The following UGGT1 variants were observed in gnomAD, a reference collection of about 807,000 sequenced individuals.
UGGT1 encodes UDP-glucose:glycoprotein glucosyltransferase 1.
A neutral mutation model predicts 203.9 loss-of-function variants in UGGT1; 107 were observed. That is an observed-to-expected ratio of 0.52 (90% CI 0.45 to 0.62). The LOEUF (loss-of-function observed/expected upper bound fraction) is 0.62, where lower values mean the gene tolerates loss of function less well. Among genes scored for constraint, UGGT1 ranks in the 20% least tolerant of loss-of-function variants. The pLI, the probability that UGGT1 is intolerant of heterozygous loss-of-function variation, is 0.00. For synonymous variants in UGGT1, 628 were observed against 653.5 expected (o/e 0.96, Z 0.59); for missense variants, 1,673 against 1,867.2 (o/e 0.90, Z 1.92).
At chr2:128,150,254 A>C (rs1689885959) in intron 18 of UGGT1, among the ~76,000 whole-genome samples, 1 of 152,128 alleles carries the variant, frequency 6.6e-6, no homozygotes, top group Non-Finnish European at 1.5e-5. Flanking sequence ...TGGCTAACAT[A>C]ACGAGACCTC....
chr2:128,180,868 T>G, intron 35 of UGGT1, 22 bp from the exon 36 acceptor site: 1 of 1,599,612 alleles, frequency 6.3e-7, no homozygotes, highest in Non-Finnish European at 8.5e-7. Context: ...TGATTATTTG[T>G]TGTTCCCATG....
chr2:128,180,918 A>G lies in UGGT1; in HGVS notation c.3929A>G (p.Tyr1310Cys), dbSNP rs778993172. ...KEFIPYMANE[Y>C]NFQYELVQYK... The stretch of plus-strand genomic sequence containing the variant: ...TTTATACCTTACATGGCAAATGAAT[A>G]CAATTTCCAGTATGAGCTTGTTCAG... Residue 1310 changes from tyrosine to cysteine, a missense_variant, in exon 36 of 41, where the codon TAC (tyrosine) becomes TGC (cysteine). Transcript: ENST00000259253. The G allele has an allele frequency of 1.9e-6, 3 of 1,613,906 alleles. No homozygotes were observed. Among genetic ancestry groups the G allele is most frequent in the South Asian group, 1.1e-5 (1 of 90,982 alleles).
At chr2:128,182,357 A>ATTG (rs1691735972) in intron 37 of UGGT1, 67 bp downstream of exon 37, 2 of 1,524,270 alleles carry the variant, frequency 1.3e-6, no homozygotes, top group Non-Finnish European at 1.8e-6. Context: ...GTGTGGTTAA[A>ATTG]ATTGTGAATA....
chr2:128,181,373 C>T (rs1206979893), intron 36 of UGGT1, among the ~76,000 whole-genome samples: 1 of 152,190 alleles, frequency 6.6e-6, no homozygotes, highest in African/African-American at 2.4e-5. Context: ...GCAGTGCTTG[C>T]CATCATCTCT....
At chr2:128,110,683 T>C (rs1001832144) in intron 5 of UGGT1, among the ~76,000 whole-genome samples, 4 of 152,240 alleles carry the variant, frequency 2.6e-5, no homozygotes, top group Admixed American at 2.6e-4. Flanking sequence ...CTGCTTTTAA[T>C]GGTTTGGCAT....
At chr2:128,142,735 C>T (rs906656860) in intron 16 of UGGT1, among the ~76,000 whole-genome samples, 4 of 151,992 alleles carry the variant, frequency 2.6e-5, no homozygotes, top group African/African-American at 9.7e-5. Flanking sequence ...GTAATCCCAG[C>T]ACTTTGGGAG....
At chr2:128,115,910 G>A (rs1447949072) in intron 7 of UGGT1, among the ~76,000 whole-genome samples, 1 of 152,024 alleles carries the variant, frequency 6.6e-6, no homozygotes, top group Non-Finnish European at 1.5e-5. Flanking sequence ...AAATTCTTCA[G>A]AATTTTAATA....
chr2:128,119,797 A>G (rs1040341804), intron 8 of UGGT1, among the ~76,000 whole-genome samples: 2 of 151,644 alleles, frequency 1.3e-5, no homozygotes. Context: ...TTTCTCTTCT[A>G]TAGAACTATT....
chr2:128,133,809 A>G (rs763440058), intron 14 of UGGT1, among the ~76,000 whole-genome samples: 1 of 152,036 alleles, frequency 6.6e-6, no homozygotes, highest in Non-Finnish European at 1.5e-5. Flanking sequence ...AGTTTAATTT[A>G]TTCCCTTAAA....
chr2:128,157,468 G>C (rs560355431), intron 22 of UGGT1, 122 bp downstream of exon 22: 1 of 689,590 alleles, frequency 1.5e-6, no homozygotes, highest in East Asian at 2.7e-5. Flanking sequence ...ATGCTCGAGG[G>C]AACGGAGAAT....
chr2:128,161,514 T>A (rs1159082576), intron 25 of UGGT1, among the ~76,000 whole-genome samples: 3 of 152,196 alleles, frequency 2.0e-5, no homozygotes, highest in Non-Finnish European at 4.4e-5. Flanking sequence ...AATTTTTGGT[T>A]GTGGAAAATT....
At chr2:128,157,381 T>G (rs760457663) in intron 22 of UGGT1, 35 bp downstream of exon 22, 1 of 1,582,332 alleles carries the variant, frequency 6.3e-7, no homozygotes. Context: ...TATTTTTGTT[T>G]GTGGCTGTAG....
chr2:128,101,789 A>G (rs368746414), intron 2 of UGGT1, among the ~76,000 whole-genome samples: 13 of 152,312 alleles, frequency 8.5e-5, no homozygotes, highest in African/African-American at 3.1e-4. Context: ...GCCTCCTTAA[A>G]TATTAGTTTC....
At chr2:128,096,919 G>T (rs1465604734) in intron 1 of UGGT1, among the ~76,000 whole-genome samples, 1 of 152,168 alleles carries the variant, frequency 6.6e-6, no homozygotes, top group Non-Finnish European at 1.5e-5. Flanking sequence ...TAACCTAAGT[G>T]CCTTCAGTTA....
chr2:128,155,239 A>C (rs931632651), intron 19 of UGGT1, among the ~76,000 whole-genome samples: 1 of 152,230 alleles, frequency 6.6e-6, no homozygotes, highest in African/African-American at 2.4e-5. Context: ...GAATTCAGCC[A>C]TTAAACTGAC....
intron 23 of UGGT1, among the ~76,000 whole-genome samples, chr2:128,160,254 CA>C (rs1369536587): frequency 6.6e-6 from 1 of 152,112 alleles, no homozygotes; most frequent in Admixed American, 6.5e-5. Context: ...GAACAAATCA[CA>C]GGAAAAGATA....
intron 7 of UGGT1, 70 bp from the exon 8 acceptor site, chr2:128,116,195 T>C (rs78476228): frequency 0.036 from 35,417 of 971,008 alleles, 1,174 homozygotes; most frequent in South Asian, 0.13. Flanking sequence ...ATGAAGTTTA[T>C]GAGACTAGTA....
intron 35 of UGGT1, among the ~76,000 whole-genome samples, chr2:128,180,543 T>C (rs1375050799): frequency 6.6e-6 from 1 of 152,236 alleles, no homozygotes; most frequent in Non-Finnish European, 1.5e-5. Context: ...CGAGGAAGGC[T>C]TGTCATCAAG....
In UGGT1 at chr2:128,133,404, T is replaced by G. The variant is rs1325904059; in HGVS notation, c.1497+144T>G. Reference sequence around the variant, plus strand: ...ACCAAATACTCTTCCCTGTTCACACTGGAAAGGCTTTGTAGTGTACTGACC... The same window carrying G: ...ACCAAATACTCTTCCCTGTTCACACGGGAAAGGCTTTGTAGTGTACTGACC... On this transcript the variant is annotated intron_variant, in intron 14 of 40. Transcript: ENST00000259253. The G allele has an allele frequency of 1.2e-5, 14 of 1,162,278 alleles. No individual in the cohort carries two copies. The African/African-American group carries it at 1.4e-4, about 11-fold the overall frequency. 72.0% of individuals were successfully genotyped at this position (1,162,278 alleles called of 1,614,324 possible). A position where few individuals can be genotyped will look rare whatever the true frequency, so the allele number is the denominator to read the frequency against.
Sources: allele counts gnomAD v4.1 joint callset (sites outside exome capture counted in the v4.1 genomes callset), GRCh38; gene constraint gnomAD v4.1.1; transcripts MANE v1.5; gene names NCBI Gene and HGNC (gene_info 2026-07-23, HGNC 2026-07-21).